The following NTNG1 variants were observed in gnomAD, a reference collection of about 807,000 sequenced individuals.
The protein encoded by NTNG1 is netrin G1, also known as netrin-G1.
In NTNG1, 16 loss-of-function variants were observed where a neutral mutation model predicts 54.0. The observed-to-expected ratio is 0.30, with a 90% CI of 0.20 to 0.45. The LOEUF (loss-of-function observed/expected upper bound fraction) is 0.45, where lower values mean the gene tolerates loss of function less well. Among genes scored for constraint, NTNG1 ranks in the 20% least tolerant of loss-of-function variants. NTNG1 has a pLI of 1.00. For missense variants in NTNG1, 530 were observed against 678.7 expected, an observed-to-expected ratio of 0.78 and a Z score of 2.43; for synonymous variants, 255 against 263.1, an observed-to-expected ratio of 0.97 and a Z score of 0.30.
chr1:107,245,483 G>T (rs1419747718), intron 2 of NTNG1, among the ~76,000 whole-genome samples: 1 of 152,002 alleles, frequency 6.6e-6, no homozygotes, highest in Non-Finnish European at 1.5e-5. Context: ...TGCCACCACT[G>T]CTTAGTTTTT....
chr1:107,424,540 A>C (rs1260190028), intron 5 of NTNG1, among the ~76,000 whole-genome samples: 2 of 152,112 alleles, frequency 1.3e-5, no homozygotes, highest in Non-Finnish European at 2.9e-5. Flanking sequence ...CCAGAAGAAC[A>C]GTTTGGGGAT....
At chr1:107,230,755 T>G (rs1177922214) in intron 2 of NTNG1, among the ~76,000 whole-genome samples, 1 of 151,920 alleles carries the variant, frequency 6.6e-6, no homozygotes, top group Non-Finnish European at 1.5e-5. Flanking sequence ...TTCTTAGGTC[T>G]GCCAAAACTT....
chr1:107,423,259 A>G (rs191312403), intron 5 of NTNG1, among the ~76,000 whole-genome samples: 3 of 152,188 alleles, frequency 2.0e-5, no homozygotes, highest in Middle Eastern at 3.4e-3. Context: ...ATAGTACTCA[A>G]TGGGGATGTG....
chr1:107,142,426 G>T (rs1297235141), intron 1 of NTNG1, among the ~76,000 whole-genome samples: 1 of 151,872 alleles, frequency 6.6e-6, no homozygotes, highest in Non-Finnish European at 1.5e-5. Context: ...CGCAGGTTGA[G>T]CTCCTATAGT....
At chr1:107,259,757 A>G (rs1312800757) in intron 2 of NTNG1, among the ~76,000 whole-genome samples, 1 of 152,110 alleles carries the variant, frequency 6.6e-6, no homozygotes, top group Non-Finnish European at 1.5e-5. Context: ...CTAGTATGTG[A>G]GATGTGTGTG....
At chr1:107,375,093 GT>G (rs983467252) in intron 3 of NTNG1, among the ~76,000 whole-genome samples, 4 of 152,106 alleles carry the variant, frequency 2.6e-5, no homozygotes, top group African/African-American at 9.7e-5. Context: ...CCTTCATGTA[GT>G]TTCTTCATAC....
Position 107,480,601 on chromosome 1 carries a change from C to A in NTNG1, c.1391-10C>A. 7.0e-7 allele frequency: 1 copy of A among 1,435,924 alleles called. No homozygotes were observed. The highest frequency in any genetic ancestry group is 9.6e-7 in the Non-Finnish European group (1 of 1,046,300). 88.9% of individuals were successfully genotyped at this position (1,435,924 alleles called of 1,614,324 possible). The stretch of plus-strand genomic sequence containing the variant: ...GCCCACCCACCCCTACCTTCCCCCT[C>A]ATTCTGCAGCGAATGTCTGCGACAA... On this transcript the variant is annotated splice_polypyrimidine_tract_variant and intron_variant, in intron 7 of 7. Transcript: ENST00000370068.
chr1:107,153,180 C>T (rs114988613), intron 2 of NTNG1, among the ~76,000 whole-genome samples: 13 of 152,252 alleles, frequency 8.5e-5, no homozygotes, highest in Non-Finnish European at 1.9e-4. Flanking sequence ...TTCAAAGGAA[C>T]GCTGAGAGAT....
intron 7 of NTNG1, among the ~76,000 whole-genome samples, chr1:107,438,692 G>A (rs951698981): frequency 1.3e-5 from 2 of 152,176 alleles, no homozygotes; most frequent in African/African-American, 2.4e-5. Flanking sequence ...AGTGTACTCA[G>A]GGTAAGACTT....
intron 7 of NTNG1, among the ~76,000 whole-genome samples, chr1:107,442,938 G>T (rs1676063450): frequency 6.6e-6 from 1 of 152,130 alleles, no homozygotes; most frequent in Non-Finnish European, 1.5e-5. Flanking sequence ...TTTTCCAACA[G>T]TTACGCTTTC....
chr1:107,255,629 C>T (rs753847374), intron 2 of NTNG1, among the ~76,000 whole-genome samples: 17 of 152,278 alleles, frequency 1.1e-4, no homozygotes, highest in African/African-American at 3.1e-4. Context: ...ATGTTCCAGT[C>T]GAATACGAAA....
chr1:107,311,143 C>T (rs1281476201), intron 2 of NTNG1, among the ~76,000 whole-genome samples: 4 of 152,086 alleles, frequency 2.6e-5, no homozygotes, highest in Non-Finnish European at 5.9e-5. Context: ...AGACTTTTCC[C>T]GACTGAGACA....
At chr1:107,249,032 G>A (rs116313432) in intron 2 of NTNG1, among the ~76,000 whole-genome samples, 5,524 of 150,596 alleles carry the variant, frequency 0.037, 331 homozygotes, top group African/African-American at 0.13. Context: ...TGGTGCAGGC[G>A]CCTGTAATCT....
chr1:107,456,730 A>G, intron 7 of NTNG1, among the ~76,000 whole-genome samples: 1 of 152,250 alleles, frequency 6.6e-6, no homozygotes, highest in East Asian at 1.9e-4. Flanking sequence ...GTTTGTCCAC[A>G]AAGACCTTTG....
At chr1:107,192,219 G>C (rs1324006448) in intron 2 of NTNG1, among the ~76,000 whole-genome samples, 1 of 151,488 alleles carries the variant, frequency 6.6e-6, no homozygotes. Context: ...CTCATGATTT[G>C]GCTCTCTGTT....
intron 2 of NTNG1, among the ~76,000 whole-genome samples, chr1:107,266,831 C>T (rs970080477): frequency 2.0e-5 from 3 of 151,900 alleles, no homozygotes; most frequent in Non-Finnish European, 2.9e-5. Flanking sequence ...TGGGAGTGCT[C>T]TTTGGGTCTC....
intron 3 of NTNG1, among the ~76,000 whole-genome samples, chr1:107,366,908 C>T (rs531310730): frequency 6.6e-6 from 1 of 152,212 alleles, no homozygotes; most frequent in South Asian, 2.1e-4. Context: ...TCCAAGAAGC[C>T]TGGGTTTCTC....
intron 2 of NTNG1, among the ~76,000 whole-genome samples, chr1:107,199,311 G>T (rs1175449085): frequency 1.4e-5 from 2 of 140,422 alleles, no homozygotes; most frequent in East Asian, 2.1e-4. Context: ...CTGGAATTTG[G>T]CACACATTAC....
At chr1:107,429,556 G>A (rs1210802813) in intron 5 of NTNG1, among the ~76,000 whole-genome samples, 1 of 151,998 alleles carries the variant, frequency 6.6e-6, no homozygotes, top group East Asian at 2.0e-4. Context: ...AAGAATGAAT[G>A]AATGTGTTCA....
Sources: gnomAD v4.1 joint callset for allele counts (sites outside exome capture counted in the v4.1 genomes callset) on GRCh38, gnomAD v4.1.1 for gene constraint, MANE v1.5 for transcripts, NCBI Gene and HGNC (gene_info 2026-07-23, HGNC 2026-07-21) for gene names.